Variants in COBL observed in about 807,000 individuals in gnomAD.
The protein encoded by COBL is cordon-bleu WH2 repeat protein, also known as protein cordon-bleu.
A neutral mutation model predicts 98.8 loss-of-function variants in COBL; 51 were observed. That is an observed-to-expected ratio of 0.52 (90% CI 0.41 to 0.65). The LOEUF (loss-of-function observed/expected upper bound fraction) is 0.65. COBL is among the 30% of genes least tolerant of loss of function. COBL has a pLI of 0.00. For synonymous variants in COBL, 634 were observed against 651.7 expected (o/e 0.97, Z 0.41); for missense variants, 1,617 against 1,617.5 (o/e 1.00, Z 0.01).
At chr7:51,219,606 GA>G (rs1793420344) in intron 2 of COBL, 134 bp downstream of exon 2, 2 of 935,356 alleles carry the variant, frequency 2.1e-6, no homozygotes, top group Non-Finnish European at 3.2e-6. Flanking sequence ...CACTAAGCCC[GA>G]TTTATATCCA....
intron 12 of COBL, 33 bp downstream of exon 12, chr7:51,025,076 C>T (rs746986993): frequency 4.3e-6 from 7 of 1,611,696 alleles, no homozygotes; most frequent in Middle Eastern, 2.2e-4. Context: ...ACCCTCTGGC[C>T]CCATTGAAAT....
intron 2 of COBL, among the ~76,000 whole-genome samples, chr7:51,197,948 G>A (rs966742770): frequency 6.6e-6 from 1 of 152,142 alleles, no homozygotes; most frequent in African/African-American, 2.4e-5. Context: ...GCATACCAAT[G>A]GGTCTTGGTT....
intron 2 of COBL, among the ~76,000 whole-genome samples, chr7:51,211,800 C>A (rs1792460948): frequency 6.6e-6 from 1 of 152,202 alleles, no homozygotes; most frequent in Middle Eastern, 3.2e-3. Context: ...TCTCCCTGGC[C>A]TCAGGGATGA....
chr7:51,185,546 T>C (rs1294230760), intron 4 of COBL, among the ~76,000 whole-genome samples: 2 of 152,198 alleles, frequency 1.3e-5, no homozygotes, highest in East Asian at 1.9e-4. Flanking sequence ...AGGAAAGGCC[T>C]TTGTCATTAC....
chr7:51,068,587 T>A (rs1263017640), intron 7 of COBL, among the ~76,000 whole-genome samples: 1 of 152,222 alleles, frequency 6.6e-6, no homozygotes, highest in Non-Finnish European at 1.5e-5. Context: ...AGATTAAAAA[T>A]GATGACTAAG....
intron 1 of COBL, among the ~76,000 whole-genome samples, chr7:51,242,616 A>T (rs1173790805): frequency 6.6e-6 from 1 of 152,062 alleles, no homozygotes; most frequent in Non-Finnish European, 1.5e-5. Flanking sequence ...ATTGACTCTG[A>T]TCTCTGAGGT....
At chr7:51,142,164 C>T (rs938120085) in intron 5 of COBL, among the ~76,000 whole-genome samples, 3 of 151,924 alleles carry the variant, frequency 2.0e-5, no homozygotes, top group Non-Finnish European at 4.4e-5. Context: ...GAGGGTGAGG[C>T]GAGTAGGAAA....
At chr7:51,076,494 T>C (rs554048287) in intron 7 of COBL, among the ~76,000 whole-genome samples, 1 of 152,348 alleles carries the variant, frequency 6.6e-6, no homozygotes, top group Admixed American at 6.5e-5. Context: ...AGATTCGCAA[T>C]TCGCAGTTCC....
intron 6 of COBL, among the ~76,000 whole-genome samples, chr7:51,101,849 C>G (rs1795835308): frequency 6.6e-6 from 1 of 152,152 alleles, no homozygotes; most frequent in African/African-American, 2.4e-5. Context: ...AATCTAGTGC[C>G]TTCTCGTTAT....
At chr7:51,039,072 C>T (rs1438578297) in intron 8 of COBL, among the ~76,000 whole-genome samples, 2 of 152,148 alleles carry the variant, frequency 1.3e-5, no homozygotes, top group African/African-American at 4.8e-5. Flanking sequence ...GTGATCATGC[C>T]CTCTCTGGGC....
At chr7:51,211,154 C>T (rs1273060317) in intron 2 of COBL, among the ~76,000 whole-genome samples, 1 of 152,242 alleles carries the variant, frequency 6.6e-6, no homozygotes, top group African/African-American at 2.4e-5. Flanking sequence ...GCCACTCACA[C>T]ATTCTCACCA....
At chr7:51,156,242 T>G in intron 5 of COBL, 1 of 984,846 alleles carries the variant, frequency 1.0e-6, no homozygotes, top group Non-Finnish European at 1.2e-6. Flanking sequence ...GCAAATTAAT[T>G]CCTTTCTTAC....
chr7:51,107,654 A>G (rs1288706741), intron 6 of COBL, among the ~76,000 whole-genome samples: 1 of 152,166 alleles, frequency 6.6e-6, no homozygotes, highest in Admixed American at 6.5e-5. Flanking sequence ...ACAAGTTGCC[A>G]ATCACCAGTA....
chr7:51,219,372 C>T (rs923613233), intron 2 of COBL, among the ~76,000 whole-genome samples: 1 of 152,212 alleles, frequency 6.6e-6, no homozygotes, highest in African/African-American at 2.4e-5. Context: ...GCCCTCCTGG[C>T]TGCGTCCCTT....
At chr7:51,244,911 T>A (rs115640114) in intron 1 of COBL, among the ~76,000 whole-genome samples, 292 of 152,302 alleles carry the variant, frequency 1.9e-3, no homozygotes, top group African/African-American at 6.9e-3. Flanking sequence ...TAAGCTCACA[T>A]CTCTTCTAAG....
intron 7 of COBL, chr7:51,082,929 CAA>C: frequency 1.2e-6 from 1 of 841,644 alleles, no homozygotes; most frequent in Non-Finnish European, 1.9e-6. Context: ...CATTGGGAAA[CAA>C]GAGCTGAGAA....
Position 51,136,583 on chromosome 7 carries a change from G to A in COBL, c.784-252C>T, listed in dbSNP as rs144741862. 4.2e-4 allele frequency among the ~76,000 whole-genome samples: 64 copies of A among 152,296 alleles called. No individual in the cohort carries two copies. In the East Asian group the frequency reaches 0.012, roughly 29 times the overall value. On this transcript the variant is annotated intron_variant, in intron 5 of 12. Transcript: ENST00000265136. ...ATGAAGGCCATGGCAGACTCTTTAAGCCATTAAGAGAACACTTAGCAGCTA... is the reference window on the plus strand; with the variant it reads ...ATGAAGGCCATGGCAGACTCTTTAAACCATTAAGAGAACACTTAGCAGCTA...
chr7:51,029,320 C>T lies in COBL; in HGVS notation c.1776G>A (p.Lys592=), dbSNP rs142452806. 613 of 1,601,152 alleles carry T rather than the reference C, an allele frequency of 3.8e-4. 1 individual carries two copies. Among genetic ancestry groups the T allele is most frequent in the Non-Finnish European group, 4.7e-4 (554 of 1,172,660 alleles). The change falls in exon 10 of 13, where the codon AAG becomes AAA. Residue 592 remains lysine, a synonymous_variant. Transcript: ENST00000265136. ...GCAGGGCAGGTACTTCCTCCCTTGCCTTTTCATGGGGCTGGCTGTGCTCAG... is the reference window on the plus strand; with the variant it reads ...GCAGGGCAGGTACTTCCTCCCTTGCTTTTTCATGGGGCTGGCTGTGCTCAG... ...LQAEHSQPHE[K]AREEVPALHP... is the part of the protein sequence containing the mutation.
chr7:51,137,045 T>C (rs1391574970), intron 5 of COBL, among the ~76,000 whole-genome samples: 1 of 152,174 alleles, frequency 6.6e-6, no homozygotes, highest in Non-Finnish European at 1.5e-5. Context: ...ATCATGTAAG[T>C]GCTAGTGCAG....
Sources: gnomAD v4.1 joint callset for allele counts (sites outside exome capture counted in the v4.1 genomes callset) on GRCh38, gnomAD v4.1.1 for gene constraint, MANE v1.5 for transcripts, NCBI Gene and HGNC (gene_info 2026-07-23, HGNC 2026-07-21) for gene names.